LDLRAD4: variants seen among roughly 807,000 people sequenced by gnomAD.
LDLRAD4 encodes low density lipoprotein receptor class A domain containing 4.
In LDLRAD4, 5 loss-of-function variants were observed where a neutral mutation model predicts 17.0. The ratio of observed to expected loss-of-function variants is 0.29; its 90% CI spans 0.15 to 0.62. LDLRAD4 has a LOEUF of 0.62. LDLRAD4 is among the 20% of genes least tolerant of loss of function. LDLRAD4 has a pLI of 0.84. For missense variants in LDLRAD4, 340 were observed against 424.7 expected (o/e 0.80, Z 1.75); for synonymous variants, 168 against 171.8 (o/e 0.98, Z 0.17).
intron 3 of LDLRAD4, among the ~76,000 whole-genome samples, chr18:13,504,755 C>G (rs1269456668): frequency 2.6e-5 from 4 of 152,222 alleles, no homozygotes; most frequent in African/African-American, 9.6e-5. Flanking sequence ...AGAATACACA[C>G]TTTCTCTTCC....
chr18:13,652,247 C>CTGTT (rs1430393555), exon 6 of LDLRAD4: 4 of 152,234 alleles, frequency 2.6e-5, no homozygotes, highest in African/African-American at 9.6e-5. Flanking sequence ...TTAAACTTTA[C>CTGTT]TGTTAATGAT....
chr18:13,315,372 G>A (rs191348564), intron 1 of LDLRAD4, among the ~76,000 whole-genome samples: 1 of 152,322 alleles, frequency 6.6e-6, no homozygotes, highest in Admixed American at 6.5e-5. Flanking sequence ...AGGAGAAAGA[G>A]TAAAAGCCAA....
intron 3 of LDLRAD4, among the ~76,000 whole-genome samples, chr18:13,538,144 A>G (rs1056391069): frequency 1.3e-5 from 2 of 151,380 alleles, no homozygotes; most frequent in African/African-American, 4.9e-5. Flanking sequence ...CTCTTCATTC[A>G]TTTTTCTCTA....
intron 1 of LDLRAD4, among the ~76,000 whole-genome samples, chr18:13,263,138 G>T (rs1486766647): frequency 2.1e-5 from 3 of 142,268 alleles, no homozygotes; most frequent in Non-Finnish European, 4.6e-5. Flanking sequence ...GTGCGTGGGG[G>T]CTGAGTCCCG....
At chr18:13,448,256 G>A (rs867546586) in intron 3 of LDLRAD4, among the ~76,000 whole-genome samples, 7 of 152,178 alleles carry the variant, frequency 4.6e-5, no homozygotes, top group Non-Finnish European at 8.8e-5. Flanking sequence ...GGTGACCTGC[G>A]TTAATTGTGT....
intron 1 of LDLRAD4, among the ~76,000 whole-genome samples, chr18:13,314,645 G>A (rs1470309195): frequency 6.6e-6 from 1 of 152,202 alleles, no homozygotes; most frequent in African/African-American, 2.4e-5. Flanking sequence ...CATGGAGCTG[G>A]ATAGGTGAAG....
chr18:13,333,151 AT>A (rs2081950491), intron 1 of LDLRAD4, among the ~76,000 whole-genome samples: 1 of 151,332 alleles, frequency 6.6e-6, no homozygotes, highest in Non-Finnish European at 1.5e-5. Flanking sequence ...TTTAATTTTC[AT>A]TTTCCTGATG....
rs1177255720 is a variant in LDLRAD4, at chr18:13,517,370, A to G, written c.181+78986A>G. On this transcript the variant is annotated intron_variant, in intron 3 of 5. Coordinates refer to ENST00000359446, the Ensembl canonical transcript of LDLRAD4. ...CTCCCCATGTGGGACAACTGCCTGC[A>G]CGATACACATGAGTAATGATGTGGT... Among the ~76,000 whole-genome samples, 3 of 152,326 alleles carry G rather than the reference A, an allele frequency of 2.0e-5. No individual in the cohort carries two copies. The East Asian group carries it at 5.8e-4, about 29-fold the overall frequency.
intron 1 of LDLRAD4, among the ~76,000 whole-genome samples, chr18:13,330,536 C>CTTTT (rs1316207148): frequency 1.3e-5 from 2 of 152,096 alleles, no homozygotes; most frequent in Non-Finnish European, 2.9e-5. Flanking sequence ...GAAACCTAAT[C>CTTTT]TTTTTTATTG....
At chr18:13,295,998 G>T (rs1397815307) in intron 1 of LDLRAD4, among the ~76,000 whole-genome samples, 1 of 152,234 alleles carries the variant, frequency 6.6e-6, no homozygotes, top group Non-Finnish European at 1.5e-5. Context: ...GCGAGGCGGG[G>T]TGCCTTGCCC....
chr18:13,548,529 C>T (rs1056049852), intron 3 of LDLRAD4, among the ~76,000 whole-genome samples: 2 of 152,220 alleles, frequency 1.3e-5, no homozygotes, highest in African/African-American at 2.4e-5. Flanking sequence ...CTGGTCAGGT[C>T]GTAATAGTGC....
intron 1 of LDLRAD4, among the ~76,000 whole-genome samples, chr18:13,377,660 C>CCCCTACCTTT (rs1339719643): frequency 6.6e-6 from 1 of 152,230 alleles, no homozygotes; most frequent in Non-Finnish European, 1.5e-5. Context: ...AGTGGGACTT[C>CCCCTACCTTT]CCCTACCTTT....
At chr18:13,539,353 C>T (rs762549478) in intron 3 of LDLRAD4, among the ~76,000 whole-genome samples, 14 of 152,162 alleles carry the variant, frequency 9.2e-5, no homozygotes, top group Non-Finnish European at 2.1e-4. Flanking sequence ...AGTCCCTAAA[C>T]GTAGCTCAAT....
intron 1 of LDLRAD4, among the ~76,000 whole-genome samples, chr18:13,226,792 A>G (rs114658376): frequency 0.015 from 2,313 of 152,282 alleles, 62 homozygotes; most frequent in African/African-American, 0.053. Flanking sequence ...GTTCAGGGCA[A>G]TAAACATTCT....
intron 3 of LDLRAD4, among the ~76,000 whole-genome samples, chr18:13,550,616 T>G (rs1429337087): frequency 6.6e-6 from 1 of 152,214 alleles, no homozygotes; most frequent in Non-Finnish European, 1.5e-5. Flanking sequence ...ATCAAGACGA[T>G]GAGTCCCGCC....
At chr18:13,225,444 T>C (rs982863023) in intron 1 of LDLRAD4, among the ~76,000 whole-genome samples, 1 of 152,228 alleles carries the variant, frequency 6.6e-6, no homozygotes, top group Non-Finnish European at 1.5e-5. Context: ...TTTCTGAGCC[T>C]TTGTGGCATG....
chr18:13,476,639 C>T (rs1006675864), intron 3 of LDLRAD4, among the ~76,000 whole-genome samples: 4 of 136,780 alleles, frequency 2.9e-5, no homozygotes, highest in Non-Finnish European at 6.6e-5. Flanking sequence ...AAAAAAAAAT[C>T]CAGTCATATT....
At chr18:13,231,770 T>C (rs1033645914) in intron 1 of LDLRAD4, among the ~76,000 whole-genome samples, 1 of 152,250 alleles carries the variant, frequency 6.6e-6, no homozygotes, top group Non-Finnish European at 1.5e-5. Flanking sequence ...TCCTTGGCTT[T>C]AAGGAACAAA....
intron 3 of LDLRAD4, among the ~76,000 whole-genome samples, chr18:13,573,306 T>C (rs2094719051): frequency 6.6e-6 from 1 of 151,750 alleles, no homozygotes. Flanking sequence ...AGTTTTGCCT[T>C]GTAGGCCAGG....
Sources: gnomAD v4.1 joint callset for allele counts (sites outside exome capture counted in the v4.1 genomes callset) on GRCh38, gnomAD v4.1.1 for gene constraint, MANE v1.5 for transcripts, NCBI Gene and HGNC (gene_info 2026-07-23, HGNC 2026-07-21) for gene names.